Variants in PRKCB observed in about 807,000 individuals in gnomAD.
PRKCB encodes protein kinase C beta.
In PRKCB, 13 loss-of-function variants were observed where a neutral mutation model predicts 81.5. The observed-to-expected ratio is 0.16, with a 90% CI of 0.10 to 0.25. The LOEUF is 0.25. Among genes scored for constraint, PRKCB ranks in the 10% least tolerant of loss-of-function variants. The probability of loss-of-function intolerance (pLI) is 1.00; values close to 1 mark genes in which losing one functional copy is unlikely to be tolerated. For synonymous variants in PRKCB, 335 were observed against 321.4 expected, an observed-to-expected ratio of 1.04 and a Z score of -0.45; for missense variants, 509 against 875.7, an observed-to-expected ratio of 0.58 and a Z score of 5.29.
chr16:24,079,057 AAAG>A (rs148568283), intron 5 of PRKCB, among the ~76,000 whole-genome samples: 1,677 of 152,318 alleles, frequency 0.011, 32 homozygotes, highest in African/African-American at 0.038. Context: ...AAGATCCACA[AAAG>A]AAGTGAAAAT....
chr16:23,897,824 CCCAT>C (rs543997316), intron 2 of PRKCB, among the ~76,000 whole-genome samples: 2 of 152,120 alleles, frequency 1.3e-5, no homozygotes, highest in African/African-American at 4.8e-5. Context: ...TTCCCTCTCT[CCCAT>C]CCATCCATCC....
chr16:23,968,523 G>A (rs2141799214), intron 2 of PRKCB, among the ~76,000 whole-genome samples: 1 of 152,268 alleles, frequency 6.6e-6, no homozygotes, highest in East Asian at 1.9e-4. Flanking sequence ...CAGTACCGAG[G>A]CAGGGAGGAA....
intron 5 of PRKCB, among the ~76,000 whole-genome samples, chr16:24,054,988 G>T (rs1032914168): frequency 6.6e-6 from 1 of 152,134 alleles, no homozygotes; most frequent in African/African-American, 2.4e-5. Context: ...CCTCCCCCAG[G>T]ATCATTCGCC....
At chr16:24,175,699 C>T (rs1967518569) in intron 12 of PRKCB, among the ~76,000 whole-genome samples, 1 of 151,670 alleles carries the variant, frequency 6.6e-6, no homozygotes, top group African/African-American at 2.4e-5. Context: ...GGGCTGGGCA[C>T]AGTAGCTAGC....
At chr16:23,939,717 C>G (rs1221257295) in intron 2 of PRKCB, among the ~76,000 whole-genome samples, 1 of 152,094 alleles carries the variant, frequency 6.6e-6, no homozygotes, top group East Asian at 1.9e-4. Context: ...ATTGATCATG[C>G]TATTAAATGT....
intron 5 of PRKCB, among the ~76,000 whole-genome samples, chr16:24,091,420 G>A (rs1349976888): frequency 2.0e-5 from 3 of 151,652 alleles, no homozygotes; most frequent in Non-Finnish European, 2.9e-5. Context: ...TGAGATGATT[G>A]ACATTGTATC....
chr16:23,925,052 A>T (rs1391121832), intron 2 of PRKCB, among the ~76,000 whole-genome samples: 2 of 151,998 alleles, frequency 1.3e-5, no homozygotes, highest in Non-Finnish European at 2.9e-5. Context: ...TCAATATTTG[A>T]CCATTGATTG....
intron 2 of PRKCB, among the ~76,000 whole-genome samples, chr16:23,884,741 G>A (rs1164132547): frequency 6.6e-6 from 1 of 151,922 alleles, no homozygotes; most frequent in African/African-American, 2.4e-5. Flanking sequence ...AGGTCTCACT[G>A]TGTTGCCCAG....
chr16:24,121,113 C>T (rs1435652336), intron 8 of PRKCB, among the ~76,000 whole-genome samples: 1 of 152,188 alleles, frequency 6.6e-6, no homozygotes, highest in African/African-American at 2.4e-5. Flanking sequence ...GCCATATCTG[C>T]CTTGCATTTC....
At chr16:24,050,197 G>A (rs975437756) in intron 5 of PRKCB, among the ~76,000 whole-genome samples, 1 of 152,142 alleles carries the variant, frequency 6.6e-6, no homozygotes, top group African/African-American at 2.4e-5. Context: ...AAGTGAGGCA[G>A]CCCCAACTCC....
intron 16 of PRKCB, among the ~76,000 whole-genome samples, chr16:24,201,236 C>T (rs7205275): frequency 0.066 from 9,989 of 152,178 alleles, 477 homozygotes; most frequent in East Asian, 0.18. Flanking sequence ...AACAAAACTC[C>T]TATGGTTTCA....
rs59486748 is a variant in PRKCB at position 24,020,976 on chromosome 16, TTTTCTTTCTTTCTTTC to T, written c.289-11110_289-11095del. On this transcript the variant is annotated intron_variant, in intron 3 of 16. Coordinates refer to ENST00000643927, the MANE Select transcript of PRKCB (RefSeq NM_002738.7). ...CATTCAGACTGAGAGAGACTTTTCT[TTTTCTTTCTTTCTTTC>T]TTTCTTTCTTTCTTTCTTTCTTTCT... Among the ~76,000 whole-genome samples, 505 of 96,648 alleles carry T rather than the reference TTTTCTTTCTTTCTTTC, an allele frequency of 5.2e-3. 2 individuals carry two copies. Among genetic ancestry groups the T allele is most frequent in the African/African-American group, 7.0e-3 (171 of 24,438 alleles). The allele number at this position is 96,648 out of a possible 152,430, so 63.4% of individuals were successfully genotyped here.
chr16:24,008,995 C>T (rs11641223), intron 3 of PRKCB, among the ~76,000 whole-genome samples: 46,887 of 151,998 alleles, frequency 0.31, 7,884 homozygotes, highest in East Asian at 0.48. Flanking sequence ...ATAATGTCCT[C>T]AGGGTTCATC....
chr16:24,008,744 T>C (rs1965162137), intron 3 of PRKCB, among the ~76,000 whole-genome samples: 1 of 152,176 alleles, frequency 6.6e-6, no homozygotes. Context: ...AAGTTTTAAG[T>C]GTAAAATGCA....
intron 3 of PRKCB, among the ~76,000 whole-genome samples, chr16:24,011,861 A>G (rs1450355457): frequency 6.6e-6 from 1 of 152,164 alleles, no homozygotes; most frequent in African/African-American, 2.4e-5. Context: ...ATGATAATAT[A>G]CTACTTCTTA....
At chr16:23,922,705 AAG>A (rs1199519907) in intron 2 of PRKCB, among the ~76,000 whole-genome samples, 3 of 152,240 alleles carry the variant, frequency 2.0e-5, no homozygotes, top group Non-Finnish European at 2.9e-5. Context: ...CATTTTCAAA[AAG>A]AAAAATAGCA....
intron 10 of PRKCB, among the ~76,000 whole-genome samples, chr16:24,163,703 A>C (rs1242646854): frequency 1.3e-5 from 2 of 152,246 alleles, no homozygotes; most frequent in African/African-American, 4.8e-5. Context: ...GTGTGTGAAC[A>C]CATGTCATTG....
intron 8 of PRKCB, among the ~76,000 whole-genome samples, chr16:24,120,920 T>G (rs1966792566): frequency 6.6e-6 from 1 of 152,066 alleles, no homozygotes; most frequent in African/African-American, 2.4e-5. Flanking sequence ...TCCTTGATAA[T>G]GCAGTGACTT....
In PRKCB at chr16:24,015,762, T is replaced by C. The variant is rs577214998; in HGVS notation, c.289-16374T>C. On this transcript the variant is annotated intron_variant, in intron 3 of 16. Transcript: ENST00000643927. ...GTGTACATTGGTTTATGCTTCTTTA[T>C]TGTTTTCCCCAACTAGACTGACATA... Among the ~76,000 whole-genome samples the C allele has an allele frequency of 2.0e-5, 3 of 152,354 alleles. No individual in the cohort carries two copies. In the South Asian group the frequency reaches 6.2e-4, roughly 32 times the overall value.
Sources: allele counts gnomAD v4.1 joint callset (sites outside exome capture counted in the v4.1 genomes callset), GRCh38; gene constraint gnomAD v4.1.1; transcripts MANE v1.5; gene names NCBI Gene and HGNC (gene_info 2026-07-23, HGNC 2026-07-21).